Variants in DNAH6 observed in about 807,000 individuals in gnomAD.
The protein encoded by DNAH6 is axonemal beta dynein heavy chain 6.
In DNAH6, 340 loss-of-function variants were observed where a neutral mutation model predicts 491.4. That is an observed-to-expected ratio of 0.69 (90% CI 0.63 to 0.76). The LOEUF is 0.76. Among genes scored for constraint, DNAH6 ranks in the 30% least tolerant of loss-of-function variants. The pLI, the probability that DNAH6 is intolerant of heterozygous loss-of-function variation, is 0.00. For missense variants in DNAH6, 4,443 were observed against 4,972.2 expected, an observed-to-expected ratio of 0.89 and a Z score of 3.20; for synonymous variants, 1,603 against 1,686.1, an observed-to-expected ratio of 0.95 and a Z score of 1.21.
upstream of DNAH6, among the ~76,000 whole-genome samples, chr2:84,512,609 A>G (rs1441691229): frequency 3.3e-5 from 5 of 152,170 alleles, no homozygotes; most frequent in Admixed American, 6.5e-5. Flanking sequence ...AGAATCTTCA[A>G]CTGCTGTTGT....
chr2:84,714,855 T>C (rs1697371464), intron 57 of DNAH6, among the ~76,000 whole-genome samples: 1 of 151,098 alleles, frequency 6.6e-6, no homozygotes. Context: ...TTTTGTAATA[T>C]GGTAAATATT....
At chr2:84,560,035 A>G (rs1015874883) in intron 11 of DNAH6, among the ~76,000 whole-genome samples, 1 of 152,160 alleles carries the variant, frequency 6.6e-6, no homozygotes, top group Non-Finnish European at 1.5e-5. Flanking sequence ...CAAAATAATT[A>G]TAATGGAAGA....
intron 2 of DNAH6, among the ~76,000 whole-genome samples, chr2:84,524,960 GTTTCC>G (rs976648829): frequency 6.6e-6 from 1 of 151,990 alleles, no homozygotes; most frequent in Non-Finnish European, 1.5e-5. Flanking sequence ...GTTAACTGCT[GTTTCC>G]TTTACTTAAT....
chr2:84,666,495 AT>A (rs1350062585), intron 37 of DNAH6, among the ~76,000 whole-genome samples: 1 of 152,190 alleles, frequency 6.6e-6, no homozygotes, highest in African/African-American at 2.4e-5. Context: ...GTGAGCTCCC[AT>A]TCACAATTGC....
At chr2:84,696,241 CTAGATT>C (rs1427535589) in intron 46 of DNAH6, among the ~76,000 whole-genome samples, 1 of 151,618 alleles carries the variant, frequency 6.6e-6, no homozygotes, top group Non-Finnish European at 1.5e-5. Flanking sequence ...TAATCATATA[CTAGATT>C]TAAAGAAATT....
chr2:84,809,791 G>A (rs1183606083), intron 72 of DNAH6, among the ~76,000 whole-genome samples: 1 of 152,116 alleles, frequency 6.6e-6, no homozygotes, highest in East Asian at 1.9e-4. Context: ...TGCCCCAGTT[G>A]TCCCCTTTTG....
intron 4 of DNAH6, among the ~76,000 whole-genome samples, chr2:84,542,986 C>CT: frequency 6.6e-6 from 1 of 152,230 alleles, no homozygotes; most frequent in South Asian, 2.1e-4. Context: ...TGGTGAAACC[C>CT]TATCTCTACT....
chr2:84,814,624 C>G (rs1023508004), intron 75 of DNAH6, among the ~76,000 whole-genome samples: 1 of 152,204 alleles, frequency 6.6e-6, no homozygotes, highest in African/African-American at 2.4e-5. Context: ...CCCACCGGAG[C>G]TTTCCGGGAC....
chr2:84,517,870 T>A lies in DNAH6; in HGVS notation c.44T>A (p.Ile15Asn). ...ATDSEFDLTN[I>N]EEYAENSALS... is the part of the protein sequence containing the mutation. Reference sequence around the variant, plus strand: ...GATAGTGAATTTGACCTGACAAATATTGAAGAGTATGCCGAAAATTCTGCA... The same window carrying A: ...GATAGTGAATTTGACCTGACAAATAATGAAGAGTATGCCGAAAATTCTGCA... Residue 15 changes from isoleucine to asparagine, a missense_variant, in exon 2 of 77, where the codon ATT becomes AAT. This residue lies in a region of DNAH6 where 2,977 missense variants were observed against 3,296.6 expected (regional missense o/e 0.90). Coordinates refer to ENST00000389394, the MANE Select transcript of DNAH6 (RefSeq NM_001370.2). 2 of 1,551,782 alleles carry A rather than the reference T, an allele frequency of 1.3e-6. No individual in the cohort carries two copies. Among genetic ancestry groups the A allele is most frequent in the Non-Finnish European group, 1.7e-6 (2 of 1,147,008 alleles).
intron 11 of DNAH6, among the ~76,000 whole-genome samples, chr2:84,573,256 AT>A (rs1007444533): frequency 6.6e-6 from 1 of 152,130 alleles, no homozygotes; most frequent in East Asian, 1.9e-4. Flanking sequence ...TTAAAGATGA[AT>A]TTTTTTTATT....
intron 35 of DNAH6, among the ~76,000 whole-genome samples, chr2:84,657,836 A>G (rs187023459): frequency 1.3e-5 from 2 of 152,100 alleles, no homozygotes; most frequent in African/African-American, 4.8e-5. Context: ...TGCATTAGCT[A>G]AGACTTCAGG....
At position 84,727,728 on chromosome 2, in the gene DNAH6, C is replaced by T. The variant is rs1380738019; in HGVS notation, c.10032C>T (p.Asp3344=). 3.9e-6 allele frequency: 6 copies of T among 1,551,568 alleles called. No individual in the cohort carries two copies. Among genetic ancestry groups the T allele is most frequent in the South Asian group, 1.2e-5 (1 of 84,062 alleles). The change falls in exon 61 of 77, where the codon GAC becomes GAT. Residue 3344 remains aspartate, a synonymous_variant. Transcript: ENST00000389394. The stretch of plus-strand genomic sequence containing the variant: ...CAGAAAATCTACAACAGCGCCTGGA[C>T]GTACTACTAGAACAAACTCTCCTAA... ...VKTENLQQRL[D]VLLEQTLLTA...
At chr2:84,599,159 A>G (rs1304344503) in intron 18 of DNAH6, among the ~76,000 whole-genome samples, 4 of 151,728 alleles carry the variant, frequency 2.6e-5, no homozygotes, top group Non-Finnish European at 4.4e-5. Context: ...TCTTTTGCCC[A>G]TTTTTAATTG....
intron 22 of DNAH6, among the ~76,000 whole-genome samples, chr2:84,616,384 T>A (rs1686858836): frequency 6.6e-6 from 1 of 152,116 alleles, no homozygotes. Context: ...GTTAGGTGCA[T>A]ACATATTTAG....
rs1690626026 is a variant in DNAH6 at position 84,653,247 on chromosome 2, A to C, written c.5079-72A>C. 2.4e-6 allele frequency: 3 copies of C among 1,228,678 alleles called. No homozygotes were observed. In the African/African-American group the frequency reaches 4.6e-5, roughly 19 times the overall value. The allele number at this position is 1,228,678 out of a possible 1,614,324, so 76.1% of individuals were successfully genotyped here. A position where few individuals can be genotyped will look rare whatever the true frequency, so the allele number is the denominator to read the frequency against. The stretch of plus-strand genomic sequence containing the variant: ...GAAACAATAAGACTCATAATATTTC[A>C]TTGATTGTAACAAATACGGGAAAAT... On this transcript the variant is annotated intron_variant, in intron 33 of 76. Transcript: ENST00000389394.
At chr2:84,723,572 A>ATC (rs1698371933) in intron 60 of DNAH6, among the ~76,000 whole-genome samples, 1 of 152,156 alleles carries the variant, frequency 6.6e-6, no homozygotes, top group Admixed American at 6.5e-5. Flanking sequence ...TTTCTGTTGT[A>ATC]TCTCAAGTCC....
chr2:84,587,502 G>T (rs1053274312), intron 15 of DNAH6, among the ~76,000 whole-genome samples: 1 of 152,176 alleles, frequency 6.6e-6, no homozygotes, highest in Admixed American at 6.5e-5. Flanking sequence ...TTCTTCTATA[G>T]AAGGTTTGAA....
chr2:84,634,397 A>G, intron 29 of DNAH6, 107 bp from the exon 30 acceptor site: 2 of 1,189,076 alleles, frequency 1.7e-6, no homozygotes, highest in South Asian at 5.1e-5. Context: ...ACTATTGCTT[A>G]TTTGCAGATA....
intron 63 of DNAH6, among the ~76,000 whole-genome samples, chr2:84,746,657 T>C (rs1218606084): frequency 2.0e-5 from 3 of 151,676 alleles, no homozygotes; most frequent in South Asian, 2.1e-4. Context: ...ATTTGGGAGG[T>C]GTTGATGCTA....
Sources: allele counts gnomAD v4.1 joint callset (sites outside exome capture counted in the v4.1 genomes callset), GRCh38; gene constraint gnomAD v4.1.1; regional missense constraint gnomAD v4.1.1; transcripts MANE v1.5; gene names NCBI Gene and HGNC (gene_info 2026-07-23, HGNC 2026-07-21).